EPB41L5: variants seen among roughly 807,000 people sequenced by gnomAD.
EPB41L5 encodes band 4.1-like protein 5.
A neutral mutation model predicts 106.6 loss-of-function variants in EPB41L5; 55 were observed. The ratio of observed to expected loss-of-function variants is 0.52; its 90% confidence interval spans 0.42 to 0.65. The LOEUF is 0.65. Among genes scored for constraint, EPB41L5 ranks in the 30% least tolerant of loss-of-function variants. The pLI, the probability that EPB41L5 is intolerant of heterozygous loss-of-function variation, is 0.00. For missense variants in EPB41L5, 871 were observed against 882.1 expected (o/e 0.99, Z 0.16); for synonymous variants, 297 against 306.7 (o/e 0.97, Z 0.33).
At chr2:120,110,633 C>A (rs1236303953) in intron 16 of EPB41L5, among the ~76,000 whole-genome samples, 2 of 147,344 alleles carry the variant, frequency 1.4e-5, no homozygotes, top group African/African-American at 5.0e-5. Flanking sequence ...CTACCTTCCC[C>A]TATTTTTTTT....
At chr2:120,058,175 AT>A (rs1262612124) in intron 3 of EPB41L5, among the ~76,000 whole-genome samples, 1 of 152,034 alleles carries the variant, frequency 6.6e-6, no homozygotes, top group African/African-American at 2.4e-5. Context: ...ATTTTCCTTC[AT>A]TTTATTTTAT....
intron 21 of EPB41L5, among the ~76,000 whole-genome samples, chr2:120,163,824 C>T (rs1687254255): frequency 6.6e-6 from 1 of 151,586 alleles, no homozygotes; most frequent in African/African-American, 2.4e-5. Flanking sequence ...TGGTGGTGCA[C>T]ACCTGTAGTC....
At chr2:120,128,449 T>G (rs1394046013) in intron 17 of EPB41L5, among the ~76,000 whole-genome samples, 1 of 152,250 alleles carries the variant, frequency 6.6e-6, no homozygotes, top group Non-Finnish European at 1.5e-5. Context: ...TGTATTTATT[T>G]GGCTCTTGAC....
chr2:120,047,583 A>G (rs1236862458), intron 3 of EPB41L5, among the ~76,000 whole-genome samples: 149 of 151,982 alleles, frequency 9.8e-4, no homozygotes, highest in Non-Finnish European at 1.7e-3. Context: ...GGGTTTTCTA[A>G]ATATACAATC....
At chr2:120,157,662 C>A (rs1396620243) in intron 20 of EPB41L5, among the ~76,000 whole-genome samples, 3 of 151,194 alleles carry the variant, frequency 2.0e-5, no homozygotes, top group African/African-American at 7.3e-5. Flanking sequence ...CCAGGTACTT[C>A]AGACGCTGAG....
chr2:120,052,526 A>G (rs796537934), intron 3 of EPB41L5, among the ~76,000 whole-genome samples: 89 of 152,216 alleles, frequency 5.8e-4, no homozygotes, highest in Admixed American at 1.8e-3. Flanking sequence ...CAAACTTTCT[A>G]TTTATTTATG....
intron 16 of EPB41L5, chr2:120,105,629 C>G (rs752586293): frequency 2.0e-6 from 2 of 985,160 alleles, no homozygotes; most frequent in Non-Finnish European, 2.4e-6. Flanking sequence ...AAGAGGATGG[C>G]CACTCAAAGT....
chr2:120,069,128 C>CCAAAAAAAAAAAAAAAAAA (rs1681672946), intron 3 of EPB41L5, among the ~76,000 whole-genome samples: 1 of 79,568 alleles, frequency 1.3e-5, no homozygotes, highest in African/African-American at 5.9e-5. Flanking sequence ...AACTCTGTCT[C>CCAAAAAAAAAAAAAAAAAA]AAAAAAAAAA....
At chr2:120,061,514 C>T (rs571443197) in intron 3 of EPB41L5, among the ~76,000 whole-genome samples, 8 of 151,984 alleles carry the variant, frequency 5.3e-5, no homozygotes, top group Non-Finnish European at 1.0e-4. Context: ...TGAGCCACCG[C>T]GCCCGGCCTT....
chr2:120,080,154 A>T (rs962068186), intron 10 of EPB41L5, among the ~76,000 whole-genome samples: 2 of 151,268 alleles, frequency 1.3e-5, no homozygotes, highest in African/African-American at 4.9e-5. Context: ...ACATGTGCAA[A>T]GTGTGCAGGT....
intron 16 of EPB41L5, among the ~76,000 whole-genome samples, chr2:120,122,741 C>T (rs1376872990): frequency 6.6e-6 from 1 of 152,154 alleles, no homozygotes; most frequent in Non-Finnish European, 1.5e-5. Flanking sequence ...ATGGGGACGG[C>T]ATTGAATCTA....
intron 20 of EPB41L5, among the ~76,000 whole-genome samples, chr2:120,151,197 G>T (rs1285758656): frequency 6.6e-6 from 1 of 152,038 alleles, no homozygotes; most frequent in Non-Finnish European, 1.5e-5. Flanking sequence ...CTACTCGGGA[G>T]GCTAAGGCAG....
chr2:120,076,781 C>T (rs763110672), intron 7 of EPB41L5, among the ~76,000 whole-genome samples, 190 bp from the exon 8 acceptor site: 2 of 151,990 alleles, frequency 1.3e-5, no homozygotes, highest in African/African-American at 4.8e-5. Context: ...AAATACACTA[C>T]CAAAAATAAA....
chr2:120,101,163 A>T (rs983360086), intron 16 of EPB41L5, among the ~76,000 whole-genome samples: 1 of 152,248 alleles, frequency 6.6e-6, no homozygotes, highest in Non-Finnish European at 1.5e-5. Context: ...CCAGGTCCGT[A>T]AGGAAAGTAT....
chr2:120,080,376 C>G (rs113931949), intron 10 of EPB41L5, among the ~76,000 whole-genome samples: 13 of 151,926 alleles, frequency 8.6e-5, no homozygotes, highest in African/African-American at 3.1e-4. Flanking sequence ...TTTGTCCTTG[C>G]AATAGTTTGC....
intron 16 of EPB41L5, among the ~76,000 whole-genome samples, chr2:120,125,758 C>T (rs1469236717): frequency 6.6e-6 from 1 of 151,898 alleles, no homozygotes; most frequent in African/African-American, 2.4e-5. Flanking sequence ...CACTTTTAGT[C>T]CTGTGCAGGT....
intron 3 of EPB41L5, among the ~76,000 whole-genome samples, chr2:120,061,586 A>G (rs2105283852): frequency 6.6e-6 from 1 of 151,478 alleles, no homozygotes; most frequent in East Asian, 2.0e-4. Flanking sequence ...TCTTGACCTC[A>G]GGTGATCTGC....
intron 3 of EPB41L5, among the ~76,000 whole-genome samples, chr2:120,045,952 T>C (rs1267520075): frequency 1.3e-5 from 2 of 152,192 alleles, no homozygotes; most frequent in Non-Finnish European, 2.9e-5. Flanking sequence ...AATGATGGTT[T>C]CCTGCTTCAT....
In EPB41L5 at chr2:120,178,850, G is replaced by A. The variant is rs954788471; in HGVS notation, c.*3943G>A. On this transcript the variant is annotated 3_prime_UTR_variant, in exon 25 of 25. Transcript: ENST00000263713. ...CTCTTCAGAGAGATTTTTTTTTATA[G>A]CACAGATTCCTTTGCCCCTTTTATC... 6.6e-6 allele frequency: 1 copy of A among 152,106 alleles called. No individual in the cohort carries two copies. Among genetic ancestry groups the A allele is most frequent in the Non-Finnish European group, 1.5e-5 (1 of 68,034 alleles). 9.4% of individuals were successfully genotyped at this position (152,106 alleles called of 1,614,324 possible).
Sources: allele counts gnomAD v4.1 joint callset (sites outside exome capture counted in the v4.1 genomes callset), GRCh38; gene constraint gnomAD v4.1.1; transcripts MANE v1.5; gene names NCBI Gene and HGNC (gene_info 2026-07-23, HGNC 2026-07-21).